The following KCNT1 variants were observed in gnomAD, a reference collection of about 807,000 sequenced individuals.
KCNT1 encodes potassium channel subfamily T member 1.
In KCNT1, 78 loss-of-function variants were observed where a neutral mutation model predicts 147.8. That is an observed-to-expected ratio of 0.53 (90% CI 0.44 to 0.64). The LOEUF (loss-of-function observed/expected upper bound fraction) is 0.64, where lower values mean the gene tolerates loss of function less well. KCNT1 is among the 30% of genes least tolerant of loss of function. The pLI, the probability that KCNT1 is intolerant of heterozygous loss-of-function variation, is 0.00. For synonymous variants in KCNT1, 867 were observed against 748.8 expected, an observed-to-expected ratio of 1.16 and a Z score of -2.58; for missense variants, 1,419 against 1,750.3, an observed-to-expected ratio of 0.81 and a Z score of 3.38.
intron 24 of KCNT1, among the ~76,000 whole-genome samples, chr9:135,782,831 C>CCATCGCAGCT (rs1447645253): frequency 5.3e-5 from 8 of 152,234 alleles, no homozygotes; most frequent in African/African-American, 1.4e-4. Flanking sequence ...ACTCACACGC[C>CCATCGCAGCT]CATCGCAGCT....
At chr9:135,751,128 C>T in intron 4 of KCNT1, 87 bp downstream of exon 4, 1 of 1,251,348 alleles carries the variant, frequency 8.0e-7, no homozygotes, top group Non-Finnish European at 1.2e-6. Flanking sequence ...GATGGCGTCC[C>T]TGGGGGAGCC....
At chr9:135,751,439 G>C (rs1487224091) in intron 4 of KCNT1, among the ~76,000 whole-genome samples, 1 of 152,058 alleles carries the variant, frequency 6.6e-6, no homozygotes, top group African/African-American at 2.4e-5. Flanking sequence ...TTCTGGGGGT[G>C]TCTTCTACCC....
intron 24 of KCNT1, among the ~76,000 whole-genome samples, chr9:135,780,602 C>T (rs1377807837): frequency 6.6e-6 from 1 of 152,212 alleles, no homozygotes; most frequent in Non-Finnish European, 1.5e-5. Context: ...GAGATGCCAG[C>T]CTGAGGCGTA....
chr9:135,756,327 T>A (rs1302202804), intron 6 of KCNT1, among the ~76,000 whole-genome samples: 1 of 152,128 alleles, frequency 6.6e-6, no homozygotes, highest in African/African-American at 2.4e-5. Context: ...CTGACCCATC[T>A]GTGTCCTTGC....
rs767450181 is a variant in KCNT1 at position 135,786,470 on chromosome 9, G to C, written c.3451G>C (p.Glu1151Gln). ...GCGCTCTGAGCGCCAGGAGCTCTCC[G>C]AGCTGGTGAAGAACCGCATGAAGCA... ...YRRSERQELS[E>Q]LVKNRMKHLG... The change falls in exon 29 of 31, where the codon GAG becomes CAG. Residue 1151 changes from glutamate (E) to glutamine (Q), a missense_variant. By Grantham distance (29) the Glu-to-Gln change is conservative (BLOSUM62 2). Around this residue, in one of 5 missense-constraint regions of KCNT1, gnomAD observed 306 missense variants for 294.2 expected, o/e 1.04. Coordinates refer to ENST00000371757, the MANE Select transcript of KCNT1 (RefSeq NM_020822.3). 1.2e-6 allele frequency: 2 copies of C among 1,603,616 alleles called. No homozygotes were observed. The highest frequency in any genetic ancestry group is 8.5e-7 in the Non-Finnish European group (1 of 1,176,520).
At chr9:135,756,270 C>T (rs891772319) in intron 6 of KCNT1, among the ~76,000 whole-genome samples, 1 of 152,150 alleles carries the variant, frequency 6.6e-6, no homozygotes, top group Non-Finnish European at 1.5e-5. Flanking sequence ...TCCCTGAGGA[C>T]TTCCTGACCC....
chr9:135,712,759 C>T (rs1305407044), intron 1 of KCNT1, among the ~76,000 whole-genome samples: 1 of 152,232 alleles, frequency 6.6e-6, no homozygotes, highest in African/African-American at 2.4e-5. Context: ...CCTCAGCCAA[C>T]ACAACAGCGA....
At chr9:135,723,408 G>A (rs560302597) in intron 2 of KCNT1, among the ~76,000 whole-genome samples, 11 of 152,338 alleles carry the variant, frequency 7.2e-5, no homozygotes, top group South Asian at 2.1e-4. Context: ...GAACAGGGCC[G>A]GCGCCGGCAT....
At chr9:135,717,473 C>T (rs912436390) in intron 2 of KCNT1, among the ~76,000 whole-genome samples, 1 of 152,060 alleles carries the variant, frequency 6.6e-6, no homozygotes, top group Non-Finnish European at 1.5e-5. Context: ...GGTGTCCAGC[C>T]CGGTTCCCAG....
chr9:135,753,171 G>A (rs1288335179), intron 4 of KCNT1, among the ~76,000 whole-genome samples: 2 of 152,268 alleles, frequency 1.3e-5, no homozygotes, highest in East Asian at 1.9e-4. Context: ...ATGGATGGGT[G>A]GATGGATGAT....
At chr9:135,767,380 G>A (rs756588679) in intron 13 of KCNT1, among the ~76,000 whole-genome samples, 1 of 152,136 alleles carries the variant, frequency 6.6e-6, no homozygotes, top group Non-Finnish European at 1.5e-5. Context: ...CAGTGATGTG[G>A]TGGGGTTCCC....
intron 19 of KCNT1, 115 bp from the exon 20 acceptor site, chr9:135,775,195 C>T (rs1463720592): frequency 2.9e-6 from 2 of 678,400 alleles, no homozygotes; most frequent in Non-Finnish European, 2.5e-6. Context: ...TGACCCCGAG[C>T]AACGTGGCTG....
chr9:135,741,956 T>C (rs10858161), intron 2 of KCNT1, among the ~76,000 whole-genome samples: 149,480 of 152,188 alleles, frequency 0.98, 73,428 homozygotes, highest in East Asian at 1. Flanking sequence ...GCCGGCCCTC[T>C]GGAGCCCTCA....
chr9:135,751,559 AC>A (rs1446539414), intron 4 of KCNT1, among the ~76,000 whole-genome samples: 1 of 152,058 alleles, frequency 6.6e-6, no homozygotes, highest in Non-Finnish European at 1.5e-5. Flanking sequence ...TCAGGTCCTT[AC>A]CAGCCTCGCA....
chr9:135,761,709 A>G (rs1027436734), intron 11 of KCNT1, among the ~76,000 whole-genome samples: 12 of 152,224 alleles, frequency 7.9e-5, no homozygotes, highest in Non-Finnish European at 2.9e-5. Flanking sequence ...GATGCTCTGC[A>G]GAGGCGTTGA....
At position 135,702,308 on chromosome 9, in the gene KCNT1, C is replaced by T. The variant is rs377687237; in HGVS notation, c.50C>T (p.Ala17Val). 1.7e-5 allele frequency: 27 copies of T among 1,609,672 alleles called. No individual in the cohort carries two copies. Among genetic ancestry groups the T allele is most frequent in the South Asian group, 2.2e-5 (2 of 90,952 alleles). Residue 17 changes from alanine to valine, a missense_variant, in exon 1 of 31, where the codon GCG becomes GTG. Around this residue, in one of 5 missense-constraint regions of KCNT1, gnomAD observed 181 missense variants for 155.7 expected, o/e 1.16. Coordinates refer to ENST00000371757, the MANE Select transcript of KCNT1 (RefSeq NM_020822.3). Reference protein sequence around the residue: ...ARTPGGVCREARGGGYTNRTF... With the variant: ...ARTPGGVCREVRGGGYTNRTF... ...ACCCCGGGGGGCGTCTGCCGGGAGG[C>T]GCGCGGCGGGGGCTACACCAACCGG... is the stretch of plus-strand genomic sequence containing the variant.
chr9:135,787,895 G>C (rs937475806), intron 29 of KCNT1, among the ~76,000 whole-genome samples: 3 of 152,206 alleles, frequency 2.0e-5, no homozygotes, highest in African/African-American at 7.2e-5. Flanking sequence ...CCCCAGAGCT[G>C]GTGCCTGCCT....
rs564104447 is a variant in KCNT1, at chr9:135,765,593, C to T, written c.1201-31C>T. ...CGCCCGGGCGGGGCAGGGGCTGGCTCAGAGGGTCTGACCCTCCGCCTGGCC... is the reference window on the plus strand; with the variant it reads ...CGCCCGGGCGGGGCAGGGGCTGGCTTAGAGGGTCTGACCCTCCGCCTGGCC... On this transcript the variant is annotated intron_variant, in intron 12 of 30. Transcript: ENST00000371757. 1.8e-5 allele frequency: 28 copies of T among 1,592,010 alleles called. No homozygotes were observed. The South Asian group carries it at 2.9e-4, about 17-fold the overall frequency.
At chr9:135,716,645 C>T (rs987446024) in intron 2 of KCNT1, among the ~76,000 whole-genome samples, 9 of 152,186 alleles carry the variant, frequency 5.9e-5, no homozygotes, top group East Asian at 1.9e-4. Context: ...TGCATTCTAG[C>T]GGTCTTGGCG....
Sources: allele counts gnomAD v4.1 joint callset (sites outside exome capture counted in the v4.1 genomes callset), GRCh38; gene constraint gnomAD v4.1.1; regional missense constraint gnomAD v4.1.1; transcripts MANE v1.5; gene names NCBI Gene and HGNC (gene_info 2026-07-23, HGNC 2026-07-21).